The following ARHGAP28 variants were observed in gnomAD, a reference collection of about 807,000 sequenced individuals.
ARHGAP28 encodes rho GTPase-activating protein 28.
A neutral mutation model predicts 90.7 loss-of-function variants in ARHGAP28; 56 were observed. That is an observed-to-expected ratio of 0.62 (90% CI 0.50 to 0.77). The LOEUF is 0.77. Among genes scored for constraint, ARHGAP28 ranks in the 30% least tolerant of loss-of-function variants. The probability of loss-of-function intolerance (pLI) is 0.00; values close to 1 mark genes in which losing one functional copy is unlikely to be tolerated. For missense variants in ARHGAP28, 869 were observed against 900.9 expected (o/e 0.96, Z 0.45); for synonymous variants, 308 against 323.3 (o/e 0.95, Z 0.51).
At chr18:6,880,652 C>G (rs998353114) in intron 10 of ARHGAP28, among the ~76,000 whole-genome samples, 8 of 152,252 alleles carry the variant, frequency 5.3e-5, no homozygotes, top group African/African-American at 1.7e-4. Flanking sequence ...CCCAGACACA[C>G]TGGATCTGCT....
intron 1 of ARHGAP28, among the ~76,000 whole-genome samples, chr18:6,809,721 C>G (rs1333970100): frequency 6.6e-6 from 1 of 152,166 alleles, no homozygotes; most frequent in African/African-American, 2.4e-5. Flanking sequence ...TTAGAAACCA[C>G]CCCCATGATC....
intron 2 of ARHGAP28, among the ~76,000 whole-genome samples, chr18:6,827,003 G>A (rs1172340577): frequency 1.3e-5 from 2 of 152,014 alleles, no homozygotes; most frequent in Admixed American, 1.3e-4. Context: ...CAGGGTTGGG[G>A]GTAAGGTCAC....
intron 1 of ARHGAP28, among the ~76,000 whole-genome samples, chr18:6,817,503 A>T (rs570528751): frequency 7.2e-5 from 11 of 152,286 alleles, no homozygotes; most frequent in African/African-American, 2.6e-4. Flanking sequence ...ATTCCTTCCC[A>T]TTATCAGTTA....
chr18:6,744,577 A>G (rs922251044), intron 1 of ARHGAP28, among the ~76,000 whole-genome samples: 3 of 152,168 alleles, frequency 2.0e-5, no homozygotes, highest in Non-Finnish European at 4.4e-5. Context: ...TACTTATTTA[A>G]TTGATCTCTC....
chr18:6,824,653 C>T, intron 1 of ARHGAP28, 109 bp from the exon 2 acceptor site: 1 of 1,002,688 alleles, frequency 1.0e-6, no homozygotes, highest in Non-Finnish European at 1.4e-6. Flanking sequence ...TACTCCACTT[C>T]TCCATTTGAT....
Position 6,890,477 on chromosome 18 carries a change from G to A in ARHGAP28, c.1782G>A (p.Thr594=), listed in dbSNP as rs750216914. ...AAGTAAGAAGAATGAATGAAGCCAC[G>A]ATGCTATTGAAGAAGCAGCTCCCAA... ...ITQVRRMNEA[T]MLLKKQLPSV... Residue 594 remains threonine (T), a synonymous_variant, in exon 14 of 18, where the codon ACG becomes ACA. Coordinates refer to ENST00000383472, the MANE Select transcript of ARHGAP28 (RefSeq NM_001366230.1). 31 of 1,613,520 alleles carry A rather than the reference G, an allele frequency of 1.9e-5. No homozygotes were observed. The highest frequency in any genetic ancestry group is 2.2e-5 in the East Asian group (1 of 44,878).
At chr18:6,751,653 C>T (rs565374195) in intron 1 of ARHGAP28, among the ~76,000 whole-genome samples, 2 of 152,350 alleles carry the variant, frequency 1.3e-5, no homozygotes, top group South Asian at 4.1e-4. Flanking sequence ...TATTGTCCCA[C>T]TTGTGGGCAC....
intron 5 of ARHGAP28, among the ~76,000 whole-genome samples, chr18:6,867,184 T>G (rs571806993): frequency 6.6e-6 from 1 of 152,228 alleles, no homozygotes; most frequent in African/African-American, 2.4e-5. Context: ...TGTTTTGAAA[T>G]AAAATAGGAA....
intron 1 of ARHGAP28, among the ~76,000 whole-genome samples, chr18:6,808,755 T>G (rs970911470): frequency 6.6e-6 from 1 of 152,212 alleles, no homozygotes. Flanking sequence ...TAAGTCCACT[T>G]GATATATATA....
chr18:6,787,176 C>T (rs1004274924), intron 1 of ARHGAP28, among the ~76,000 whole-genome samples: 6 of 143,998 alleles, frequency 4.2e-5, no homozygotes, highest in Admixed American at 1.4e-4. Context: ...GCTGAGATCG[C>T]GCCACTGCAC....
chr18:6,904,881 G>A (rs542797004), intron 16 of ARHGAP28, among the ~76,000 whole-genome samples: 4 of 152,078 alleles, frequency 2.6e-5, no homozygotes, highest in Non-Finnish European at 5.9e-5. Flanking sequence ...AAATGAAATT[G>A]ACTAGCTGAA....
intron 1 of ARHGAP28, among the ~76,000 whole-genome samples, chr18:6,742,818 A>G (rs946922134): frequency 6.6e-6 from 1 of 152,174 alleles, no homozygotes; most frequent in African/African-American, 2.4e-5. Context: ...AGGGAAGGAC[A>G]GGGCTTGGGA....
intron 3 of ARHGAP28, among the ~76,000 whole-genome samples, chr18:6,840,810 G>A (rs753671345): frequency 2.2e-4 from 33 of 152,144 alleles, no homozygotes; most frequent in Non-Finnish European, 3.2e-4. Flanking sequence ...GGAAAATAGC[G>A]CAGTCAGTGA....
At chr18:6,846,968 T>G (rs1194400626) in intron 3 of ARHGAP28, among the ~76,000 whole-genome samples, 3 of 152,198 alleles carry the variant, frequency 2.0e-5, no homozygotes, top group African/African-American at 7.2e-5. Context: ...ACATGTAGGC[T>G]GCTCTTGGGA....
At position 6,912,143 on chromosome 18, in the gene ARHGAP28, C is replaced by T. The variant is rs1327756838; in HGVS notation, c.2179C>T (p.Gln727Ter). 6.3e-7 allele frequency: 1 copy of T among 1,587,664 alleles called. No homozygotes were observed. Among genetic ancestry groups the T allele is most frequent in the East Asian group, 2.2e-5 (1 of 44,662 alleles). Residue 727 changes from glutamine to a stop codon, truncating the protein, a stop_gained, in exon 18 of 18, where the codon CAA (glutamine) becomes TAA (stop). Transcript: ENST00000383472. LOFTEE classifies it high-confidence loss of function. ...AGCAGAATGGGTGATTAAACCCCAA[C>T]AAAGTTCTTAAAATATCCTCGAGAG... Reference protein sequence around the residue: ...PQAEWVIKPQQSS With the variant: ...PQAEWVIKPQ
chr18:6,744,376 A>G (rs1390657829), intron 1 of ARHGAP28, among the ~76,000 whole-genome samples: 1 of 152,112 alleles, frequency 6.6e-6, no homozygotes, highest in African/African-American at 2.4e-5. Context: ...GACATACCCA[A>G]TTTCTTCATC....
rs146800572 is a variant in ARHGAP28, at chr18:6,870,642, T to C, written c.864T>C (p.Phe288=). The C allele has an allele frequency of 2.4e-5, 38 of 1,612,876 alleles. No individual in the cohort carries two copies. The African/African-American group carries it at 3.1e-4, about 13-fold the overall frequency. The change falls in exon 7 of 18, where the codon TTT becomes TTC. Residue 288 remains phenylalanine, a synonymous_variant. Coordinates refer to ENST00000383472, the MANE Select transcript of ARHGAP28 (RefSeq NM_001366230.1). The stretch of plus-strand genomic sequence containing the variant: ...CACCAGAGGCTGAAGAGCTGTCATT[T>C]GAAGTGTCTTATTCAGAAATGGTTA... ...NIPPEAEELS[F]EVSYSEMVTE...
intron 4 of ARHGAP28, among the ~76,000 whole-genome samples, chr18:6,853,045 G>A (rs2056922585): frequency 6.6e-6 from 1 of 152,156 alleles, no homozygotes. Context: ...GCCATATGGT[G>A]TCTGCCTCTT....
At chr18:6,869,227 A>T (rs1180711636) in intron 6 of ARHGAP28, among the ~76,000 whole-genome samples, 2 of 146,146 alleles carry the variant, frequency 1.4e-5, no homozygotes, top group Non-Finnish European at 1.5e-5. Context: ...ATAACAAGGG[A>T]GCATCATAGC....
Sources: gnomAD v4.1 joint callset for allele counts (sites outside exome capture counted in the v4.1 genomes callset) on GRCh38, gnomAD v4.1.1 for gene constraint, MANE v1.5 for transcripts, NCBI Gene and HGNC (gene_info 2026-07-23, HGNC 2026-07-21) for gene names.